Variants in PLEKHM2 observed in about 807,000 individuals in gnomAD.
The protein encoded by PLEKHM2 is pleckstrin homology and RUN domain containing M2.
In PLEKHM2, 77 loss-of-function variants were observed where a neutral mutation model predicts 116.3. That is an observed-to-expected ratio of 0.66 (90% CI 0.55 to 0.80). The LOEUF is 0.80. PLEKHM2 is among the 30% of genes least tolerant of loss of function. The pLI is 0.00. For missense variants in PLEKHM2, 1,183 were observed against 1,354.9 expected, an observed-to-expected ratio of 0.87 and a Z score of 1.99; for synonymous variants, 562 against 571.0, an observed-to-expected ratio of 0.98 and a Z score of 0.22.
At chr1:15,689,322 G>T (rs899749139) in intron 1 of PLEKHM2, among the ~76,000 whole-genome samples, 48 of 151,820 alleles carry the variant, frequency 3.2e-4, no homozygotes, top group African/African-American at 1.1e-3. Context: ...CAAGACAGAA[G>T]AAACAGCCTA....
At chr1:15,712,276 T>C (rs546081206) in intron 1 of PLEKHM2, among the ~76,000 whole-genome samples, 18 of 152,254 alleles carry the variant, frequency 1.2e-4, no homozygotes, top group African/African-American at 3.9e-4. Context: ...GAAGTACAAT[T>C]TAAAACAGGT....
chr1:15,725,167 G>A lies in PLEKHM2; in HGVS notation c.713-150G>A, dbSNP rs1024126165. ...ACAAAACCCCATGTCCTGTTAGGTT[G>A]TGGCTTCTACTCGAAATGGGGCCAC... On this transcript the variant is annotated intron_variant, in intron 7 of 19. Coordinates refer to ENST00000375799, the MANE Select transcript of PLEKHM2 (RefSeq NM_015164.4). 13 of 622,870 alleles carry A rather than the reference G, an allele frequency of 2.1e-5. No individual in the cohort carries two copies. In the African/African-American group the frequency reaches 2.4e-4, roughly 11 times the overall value. The allele number at this position is 622,870 out of a possible 1,614,324, so 38.6% of individuals were successfully genotyped here.
rs1233033159 is a variant in PLEKHM2 at position 15,686,648 on chromosome 1, A to ATTTT, written c.60+2045_60+2048dup. ...GGTGTGCGCCACCACACCCGGCTAA[A>ATTTT]TTTTTTTTTTTTTTTTTTGAGACGG... On this transcript the variant is annotated intron_variant, in intron 1 of 19. Coordinates refer to ENST00000375799, the MANE Select transcript of PLEKHM2 (RefSeq NM_015164.4). 1.7e-3 allele frequency among the ~76,000 whole-genome samples: 232 copies of ATTTT among 134,210 alleles called. 5 individuals carry two copies. Among genetic ancestry groups the ATTTT allele is most frequent in the African/African-American group, 6.4e-3 (215 of 33,672 alleles). 88.0% of individuals were successfully genotyped at this position (134,210 alleles called of 152,430 possible).
intron 15 of PLEKHM2, 140 bp from the exon 16 acceptor site, chr1:15,731,052 C>A (rs982651861): frequency 7.3e-6 from 5 of 687,596 alleles, no homozygotes; most frequent in Non-Finnish European, 1.3e-5. Context: ...CCCTGCCTTC[C>A]GTAGATGACA....
chr1:15,698,182 C>T (rs947913286), intron 1 of PLEKHM2, among the ~76,000 whole-genome samples: 4 of 152,000 alleles, frequency 2.6e-5, no homozygotes, highest in South Asian at 2.1e-4. Context: ...TGAAGGACAG[C>T]ATTTTTCTTT....
intron 1 of PLEKHM2, among the ~76,000 whole-genome samples, chr1:15,692,462 G>A (rs990961476): frequency 6.6e-6 from 1 of 152,172 alleles, no homozygotes; most frequent in Non-Finnish European, 1.5e-5. Context: ...GGCGGGGAGG[G>A]ACCTGAAGGT....
intron 1 of PLEKHM2, among the ~76,000 whole-genome samples, chr1:15,712,538 A>G (rs1641355954): frequency 6.6e-6 from 1 of 152,196 alleles, no homozygotes; most frequent in Admixed American, 6.5e-5. Flanking sequence ...TATGATATCC[A>G]TATTTAACAA....
rs147803436 is a variant in PLEKHM2, at chr1:15,686,054, G to A, written c.60+1436G>A. 4.5e-3 allele frequency among the ~76,000 whole-genome samples: 687 copies of A among 152,292 alleles called. 6 individuals are homozygous for A. The highest frequency in any genetic ancestry group is 0.016 in the African/African-American group (664 of 41,574). On this transcript the variant is annotated intron_variant, in intron 1 of 19. Transcript: ENST00000375799. ...GTCTTTGGATTTCAAACAAATGAAT[G>A]GAGAAAGTCTGTGATGGAGAGGCAG...
In PLEKHM2 at chr1:15,719,429, C is replaced by T. The variant is rs1405194277; in HGVS notation, c.466-305C>T. On this transcript the variant is annotated intron_variant, in intron 5 of 19. Coordinates refer to ENST00000375799, the MANE Select transcript of PLEKHM2 (RefSeq NM_015164.4). This position sits in a 1 kb window ranked among gnomAD's most constrained non-coding sequence, Gnocchi z 4.1. The stretch of plus-strand genomic sequence containing the variant: ...CCACGTCATTGCACTCCAGCCAGGG[C>T]AACAGAGTGAGACTCTGTCTCAAAA... Among the ~76,000 whole-genome samples, 1 of 147,746 alleles carries T rather than the reference C, an allele frequency of 6.8e-6. No individual in the cohort carries two copies. Among genetic ancestry groups the T allele is most frequent in the Non-Finnish European group, 1.5e-5 (1 of 67,572 alleles).
intron 1 of PLEKHM2, among the ~76,000 whole-genome samples, chr1:15,708,117 T>A (rs565154324): frequency 6.6e-6 from 1 of 152,150 alleles, no homozygotes; most frequent in East Asian, 1.9e-4. Flanking sequence ...ACTCCTGACC[T>A]CAAGTGATCC....
In PLEKHM2 at chr1:15,718,595, G is replaced by A; in HGVS notation, c.435G>A (p.Gly145=). ...HLTLFLTLVS[G]LEFIRFELDL... is the part of the protein sequence containing the mutation. The stretch of plus-strand genomic sequence containing the variant: ...CGCTCTTCCTGACCTTGGTGTCCGG[G>A]CTAGAGTTCATTCGTTTCGAGCTGG... The change falls in exon 5 of 20, where the codon GGG becomes GGA. Residue 145 remains glycine, a synonymous_variant. Coordinates refer to ENST00000375799, the MANE Select transcript of PLEKHM2 (RefSeq NM_015164.4). 1 of 1,562,888 alleles carries A rather than the reference G, an allele frequency of 6.4e-7. No homozygotes were observed. The highest frequency in any genetic ancestry group is 8.7e-7 in the Non-Finnish European group (1 of 1,151,136).
intron 1 of PLEKHM2, among the ~76,000 whole-genome samples, chr1:15,703,020 G>T (rs149648996): frequency 2.1e-3 from 321 of 152,330 alleles, no homozygotes; most frequent in African/African-American, 7.3e-3. Context: ...GTGAGCCACA[G>T]CGCCCAGCCC....
intron 1 of PLEKHM2, among the ~76,000 whole-genome samples, chr1:15,687,726 C>T (rs1197805389): frequency 1.3e-5 from 2 of 152,110 alleles, no homozygotes; most frequent in Non-Finnish European, 2.9e-5. Context: ...TACTAGGAAC[C>T]TGTTAGTTTG....
At chr1:15,688,639 G>A (rs1235111947) in intron 1 of PLEKHM2, among the ~76,000 whole-genome samples, 3 of 133,036 alleles carry the variant, frequency 2.3e-5, no homozygotes, top group African/African-American at 9.3e-5. Context: ...GACAGAGGGA[G>A]ACTCTGTCTC....
At chr1:15,717,819 C>G (rs1266341335) in intron 3 of PLEKHM2, 74 bp from the exon 4 acceptor site, 1 of 943,300 alleles carries the variant, frequency 1.1e-6, no homozygotes, top group Non-Finnish European at 1.7e-6. Flanking sequence ...TCTTTCCTTT[C>G]TGCGCTTGCT....
Position 15,721,115 on chromosome 1 carries a change from C to T in PLEKHM2, c.653-214C>T. The T allele has an allele frequency of 3.8e-6, 2 of 524,710 alleles. No homozygotes were observed. Among genetic ancestry groups the T allele is most frequent in the South Asian group, 2.8e-5 (1 of 35,534 alleles). The allele number at this position is 524,710 out of a possible 1,614,324, so 32.5% of individuals were successfully genotyped here. On this transcript the variant is annotated intron_variant, in intron 6 of 19. Coordinates refer to ENST00000375799, the MANE Select transcript of PLEKHM2 (RefSeq NM_015164.4). The surrounding 1 kb of genome is among the most constrained non-coding windows in gnomAD (Gnocchi z 5.1). Reference sequence around the variant, plus strand: ...AAGGGGTCACCCTGACAGGTCTTTCCAGCTGGTTGGAGGCTCCTGGGCCAG... The same window carrying T: ...AAGGGGTCACCCTGACAGGTCTTTCTAGCTGGTTGGAGGCTCCTGGGCCAG...
Position 15,729,309 on chromosome 1 carries a change from AT to A in PLEKHM2, c.2075+120del. ...TGGGAGATCCAGGAGGGGAAACCAG[AT>A]GTATTCCCTCTGGAACCTGCATCTG... is the stretch of plus-strand genomic sequence containing the variant. On this transcript the variant is annotated intron_variant, in intron 13 of 19. Transcript: ENST00000375799. The surrounding 1 kb of genome is among the most constrained non-coding windows in gnomAD (Gnocchi z 4.7). 1 of 805,924 alleles carries A rather than the reference AT, an allele frequency of 1.2e-6. No homozygotes were observed. Among genetic ancestry groups the A allele is most frequent in the South Asian group, 1.5e-5 (1 of 67,172 alleles). 49.9% of individuals were successfully genotyped at this position (805,924 alleles called of 1,614,324 possible).
Position 15,717,963 on chromosome 1 carries a change from C to T in PLEKHM2, c.348C>T (p.Asn116=). 1 of 1,596,720 alleles carries T rather than the reference C, an allele frequency of 6.3e-7. No individual in the cohort carries two copies. Among genetic ancestry groups the T allele is most frequent in the Non-Finnish European group, 8.5e-7 (1 of 1,171,344 alleles). The part of the protein sequence containing the change: ...LESYLRLFQE[N]LGLLHKYYVK... Reference sequence around the variant, plus strand: ...GCTACCTGCGGTTGTTCCAGGAGAACCTGGGCCTGCTGCATAAGTACTACG... The same window carrying T: ...GCTACCTGCGGTTGTTCCAGGAGAATCTGGGCCTGCTGCATAAGTACTACG... Residue 116 remains asparagine, a synonymous_variant, in exon 4 of 20, where the codon AAC becomes AAT. Transcript: ENST00000375799.
Position 15,717,941 on chromosome 1 carries a change from A to G in PLEKHM2, c.326A>G (p.Tyr109Cys). The G allele has an allele frequency of 6.2e-7, 1 of 1,600,876 alleles. No individual in the cohort carries two copies. The highest frequency in any genetic ancestry group is 8.5e-7 in the Non-Finnish European group (1 of 1,173,600). The change falls in exon 4 of 20, where the codon TAC (tyrosine) becomes TGC (cysteine). Residue 109 changes from tyrosine (Y) to cysteine (C), a missense_variant. Physicochemically the swap from Tyr to Cys is radical, Grantham distance 194. Coordinates refer to ENST00000375799, the MANE Select transcript of PLEKHM2 (RefSeq NM_015164.4). ...CTCAACGAGAACTCCTTGGAGAGCTACCTGCGGTTGTTCCAGGAGAACCTG... is the reference window on the plus strand; with the variant it reads ...CTCAACGAGAACTCCTTGGAGAGCTGCCTGCGGTTGTTCCAGGAGAACCTG... ...LALNENSLES[Y>C]LRLFQENLGL...
Sources: gnomAD v4.1 joint callset for allele counts (sites outside exome capture counted in the v4.1 genomes callset) on GRCh38, gnomAD v4.1.1 for gene constraint, Gnocchi (gnomAD v3.1) non-coding constraint, MANE v1.5 for transcripts, NCBI Gene and HGNC (gene_info 2026-07-23, HGNC 2026-07-21) for gene names.